Variants in NTRK2 observed in about 807,000 individuals in gnomAD.
NTRK2 encodes neurotrophic receptor tyrosine kinase 2, also known as BDNF/NT-3 growth factors receptor.
Under a neutral mutation model 94.5 loss-of-function variants are expected in NTRK2, and 13 were observed. The observed-to-expected ratio is 0.14, with a 90% CI of 0.09 to 0.22. NTRK2 has a LOEUF of 0.22. Ranked by LOEUF, NTRK2 falls within the 10% of genes least tolerant of loss-of-function variation. NTRK2 has a pLI of 1.00. For synonymous variants in NTRK2, 372 were observed against 407.4 expected (o/e 0.91, Z 1.05); for missense variants, 639 against 1,071.2 (o/e 0.60, Z 5.63).
intron 6 of NTRK2, among the ~76,000 whole-genome samples, chr9:84,717,425 C>T (rs1324565512): frequency 6.6e-6 from 1 of 152,154 alleles, no homozygotes; most frequent in Non-Finnish European, 1.5e-5. Flanking sequence ...AGCACCTAGT[C>T]AATTTGGTCA....
At position 84,795,446 on chromosome 9, in the gene NTRK2, G is replaced by A. The variant is rs1478171108; in HGVS notation, c.1396+43361G>A. On this transcript the variant is annotated intron_variant, in intron 12 of 18. Coordinates refer to ENST00000277120, the MANE Select transcript of NTRK2 (RefSeq NM_006180.6). ...TTACTGCCCTGGGCTCTTGGGAAAC[G>A]CGAGGGCTGAGTGAGGTCCCTGCAC... Among the ~76,000 whole-genome samples, 5 of 152,252 alleles carry A rather than the reference G, an allele frequency of 3.3e-5. No individual in the cohort carries two copies. In the South Asian group the frequency reaches 6.2e-4, roughly 19 times the overall value.
At chr9:84,949,969 G>A (rs2078725111) in intron 16 of NTRK2, among the ~76,000 whole-genome samples, 1 of 152,202 alleles carries the variant, frequency 6.6e-6, no homozygotes, top group Non-Finnish European at 1.5e-5. Context: ...AGACCATGCT[G>A]CGTGATGATA....
At chr9:84,722,160 CTTTTTTT>C (rs36100177) in intron 6 of NTRK2, among the ~76,000 whole-genome samples, 18 of 67,076 alleles carry the variant, frequency 2.7e-4, no homozygotes, top group Admixed American at 3.9e-4. Context: ...CTATTAGGGG[CTTTTTTT>C]TTTTTTTTTT....
At chr9:84,876,324 A>T in intron 14 of NTRK2, 2 of 1,050,238 alleles carry the variant, frequency 1.9e-6, no homozygotes, top group Non-Finnish European at 2.3e-6. Context: ...TGCTTATAAA[A>T]TAAGCAGAGA....
intron 12 of NTRK2, chr9:84,814,404 C>G (rs1288726603): frequency 9.4e-7 from 1 of 1,065,676 alleles, no homozygotes; most frequent in Non-Finnish European, 1.1e-6. Flanking sequence ...TTTCTCTCTC[C>G]TCTTCTTTTC....
intron 9 of NTRK2, among the ~76,000 whole-genome samples, chr9:84,734,691 T>C (rs1269718714): frequency 6.6e-6 from 1 of 152,176 alleles, no homozygotes; most frequent in Non-Finnish European, 1.5e-5. Flanking sequence ...CTGCACACAC[T>C]CTTGCCTGCT....
intron 14 of NTRK2, among the ~76,000 whole-genome samples, chr9:84,927,266 G>A (rs904728958): frequency 6.6e-6 from 1 of 152,126 alleles, no homozygotes; most frequent in Non-Finnish European, 1.5e-5. Context: ...TTAACACCTT[G>A]TCTTAACTTC....
intron 7 of NTRK2, 93 bp from the exon 8 acceptor site, chr9:84,724,131 A>T: frequency 3.1e-6 from 4 of 1,308,480 alleles, no homozygotes; most frequent in Non-Finnish European, 4.4e-6. Flanking sequence ...CTATATATAC[A>T]TATTTTCTCT....
intron 13 of NTRK2, among the ~76,000 whole-genome samples, chr9:84,863,959 G>A (rs954483121): frequency 5.9e-5 from 9 of 152,166 alleles, no homozygotes; most frequent in Non-Finnish European, 4.4e-5. Context: ...ATTGGAGTTG[G>A]GGGGTTTAAT....
intron 2 of NTRK2, among the ~76,000 whole-genome samples, chr9:84,695,900 C>A (rs2060347588): frequency 6.6e-6 from 1 of 152,204 alleles, no homozygotes; most frequent in Non-Finnish European, 1.5e-5. Flanking sequence ...AGCATCATCT[C>A]CTTCAAGATA....
intron 17 of NTRK2, among the ~76,000 whole-genome samples, chr9:84,974,736 G>C (rs1826600836): frequency 6.6e-6 from 1 of 152,118 alleles, no homozygotes; most frequent in Non-Finnish European, 1.5e-5. Flanking sequence ...TCCACCCTTG[G>C]TTTCCACCTT....
intron 2 of NTRK2, among the ~76,000 whole-genome samples, chr9:84,684,079 A>G (rs1402883349): frequency 2.6e-5 from 4 of 151,462 alleles, no homozygotes; most frequent in Admixed American, 6.6e-5. Flanking sequence ...AGTTCCTTGT[A>G]GATTCTGGAT....
At chr9:84,740,319 C>T (rs1471066574) in intron 9 of NTRK2, among the ~76,000 whole-genome samples, 1 of 152,236 alleles carries the variant, frequency 6.6e-6, no homozygotes, top group Non-Finnish European at 1.5e-5. Flanking sequence ...AGACTCTTCT[C>T]AGAGTGTTAT....
At chr9:84,950,324 G>A (rs1316163555) in intron 16 of NTRK2, among the ~76,000 whole-genome samples, 3 of 152,222 alleles carry the variant, frequency 2.0e-5, no homozygotes, top group Non-Finnish European at 4.4e-5. Context: ...CATCTAGCAA[G>A]GGAGGGAAGA....
chr9:84,781,561 A>G (rs758015984), intron 12 of NTRK2, among the ~76,000 whole-genome samples: 4 of 152,218 alleles, frequency 2.6e-5, no homozygotes, highest in Non-Finnish European at 5.9e-5. Context: ...TAGTCATTTC[A>G]GTATAACATT....
intron 12 of NTRK2, among the ~76,000 whole-genome samples, chr9:84,775,059 C>T (rs540723874): frequency 1.3e-5 from 2 of 152,274 alleles, no homozygotes; most frequent in East Asian, 3.9e-4. Flanking sequence ...CAAATGTTTC[C>T]CTAAGTATAT....
intron 17 of NTRK2, among the ~76,000 whole-genome samples, chr9:84,977,778 G>A (rs957410166): frequency 6.6e-6 from 1 of 152,170 alleles, no homozygotes; most frequent in African/African-American, 2.4e-5. Flanking sequence ...GTGGCAACCA[G>A]GTATCAAGAA....
rs144334500 is a variant in NTRK2 at position 84,765,681 on chromosome 9, G to A, written c.1396+13596G>A. 7.5e-3 allele frequency among the ~76,000 whole-genome samples: 1,147 copies of A among 152,186 alleles called. 11 individuals are homozygous for A. Among genetic ancestry groups the A allele is most frequent in the African/African-American group, 0.026 (1,077 of 41,510 alleles). ...TGTTCACTGCTTGAGCGTGTCATAC[G>A]TGACTAGTATTGTCTTGCCCCTGGG... On this transcript the variant is annotated intron_variant, in intron 12 of 18. Coordinates refer to ENST00000277120, the MANE Select transcript of NTRK2 (RefSeq NM_006180.6).
intron 12 of NTRK2, among the ~76,000 whole-genome samples, chr9:84,760,871 A>T (rs184218573): frequency 6.6e-6 from 1 of 152,222 alleles, no homozygotes; most frequent in East Asian, 1.9e-4. Flanking sequence ...TATAACTGCT[A>T]AAGTGATTTA....
Sources: allele counts gnomAD v4.1 joint callset (sites outside exome capture counted in the v4.1 genomes callset), GRCh38; gene constraint gnomAD v4.1.1; transcripts MANE v1.5; gene names NCBI Gene and HGNC (gene_info 2026-07-23, HGNC 2026-07-21).